The following PALLD variants were observed in gnomAD, a reference collection of about 807,000 sequenced individuals.
The protein encoded by PALLD is palladin, cytoskeletal associated protein, also known as palladin.
In PALLD, 61 loss-of-function variants were observed where a neutral mutation model predicts 123.5. The ratio of observed to expected loss-of-function variants is 0.49; its 90% CI spans 0.40 to 0.61. The LOEUF is 0.61. Among genes scored for constraint, PALLD ranks in the 20% least tolerant of loss-of-function variants. PALLD has a pLI of 0.00. For missense variants in PALLD, 1,273 were observed against 1,377.0 expected, an observed-to-expected ratio of 0.92 and a Z score of 1.20; for synonymous variants, 465 against 496.4, an observed-to-expected ratio of 0.94 and a Z score of 0.84.
intron 10 of PALLD, among the ~76,000 whole-genome samples, chr4:168,886,147 G>GT (rs1170018738): frequency 1.3e-4 from 20 of 152,100 alleles, no homozygotes; most frequent in African/African-American, 4.1e-4. Flanking sequence ...GAAGCTTTTG[G>GT]TTTTTTTAAT....
intron 10 of PALLD, among the ~76,000 whole-genome samples, chr4:168,860,084 G>A (rs1007738940): frequency 4.6e-5 from 7 of 152,198 alleles, no homozygotes; most frequent in African/African-American, 1.7e-4. Flanking sequence ...TGCAGGTCTG[G>A]AGGATGTGAA....
At position 168,676,212 on chromosome 4, in the gene PALLD, G is replaced by A. The variant is rs1222026568; in HGVS notation, c.1088-5120G>A. On this transcript the variant is annotated intron_variant, in intron 3 of 21. Transcript: ENST00000505667. ...TTTTAATTTAACCTATTCTGTCACA[G>A]ACATCTACCCATGTCATTAAACGTT... Among the ~76,000 whole-genome samples the A allele has an allele frequency of 2.0e-5, 3 of 151,562 alleles. 1 individual carries two copies. In the East Asian group the frequency reaches 5.8e-4, roughly 29 times the overall value.
intron 15 of PALLD, among the ~76,000 whole-genome samples, chr4:168,909,689 G>A (rs1250506933): frequency 2.0e-5 from 3 of 152,116 alleles, no homozygotes; most frequent in African/African-American, 4.8e-5. Context: ...GCATTAATGT[G>A]CATCAGAGCC....
chr4:168,669,794 C>T (rs1437101549), intron 3 of PALLD, among the ~76,000 whole-genome samples: 2 of 135,228 alleles, frequency 1.5e-5, no homozygotes, highest in African/African-American at 3.2e-5. Flanking sequence ...ATGACACTTA[C>T]AAAATGCACA....
chr4:168,575,504 A>G (rs945505543), intron 2 of PALLD, among the ~76,000 whole-genome samples: 2 of 152,058 alleles, frequency 1.3e-5, no homozygotes, highest in African/African-American at 4.8e-5. Flanking sequence ...TGTGGGGATT[A>G]TAATTTGAGA....
intron 10 of PALLD, among the ~76,000 whole-genome samples, chr4:168,750,488 G>A (rs986070166): frequency 6.6e-6 from 1 of 152,038 alleles, no homozygotes; most frequent in Admixed American, 6.6e-5. Flanking sequence ...TTCTACAAAG[G>A]TTTGACTTGT....
chr4:168,709,850 C>T lies in PALLD; in HGVS notation c.1621+703C>T, dbSNP rs149440317. Among the ~76,000 whole-genome samples the T allele has an allele frequency of 2.0e-5, 3 of 152,098 alleles. No individual in the cohort carries two copies. In the East Asian group the frequency reaches 5.8e-4, roughly 29 times the overall value. On this transcript the variant is annotated intron_variant, in intron 9 of 21. Coordinates refer to ENST00000505667, the MANE Select transcript of PALLD (RefSeq NM_001166108.2). Reference sequence around the variant, plus strand: ...ACACACAGGGGGCTTTCTTTAAAATCGTGCAGTCTTGGTCTTGGAAACGAT... The same window carrying T: ...ACACACAGGGGGCTTTCTTTAAAATTGTGCAGTCTTGGTCTTGGAAACGAT...
At chr4:168,672,295 AT>A (rs1392205748) in intron 3 of PALLD, among the ~76,000 whole-genome samples, 1 of 152,200 alleles carries the variant, frequency 6.6e-6, no homozygotes, top group Non-Finnish European at 1.5e-5. Flanking sequence ...ATAAGGTATT[AT>A]TGTTAACTAT....
intron 10 of PALLD, among the ~76,000 whole-genome samples, chr4:168,820,482 T>C (rs1742560518): frequency 6.6e-6 from 1 of 152,186 alleles, no homozygotes; most frequent in Non-Finnish European, 1.5e-5. Flanking sequence ...GCTATTTGTA[T>C]AGCTATGCTT....
At chr4:168,603,388 T>C (rs991057062) in intron 2 of PALLD, among the ~76,000 whole-genome samples, 1 of 152,250 alleles carries the variant, frequency 6.6e-6, no homozygotes, top group African/African-American at 2.4e-5. Flanking sequence ...AGACTGTTGA[T>C]ATGCTCCTTA....
At chr4:168,591,314 C>T (rs988902124) in intron 2 of PALLD, among the ~76,000 whole-genome samples, 2 of 152,174 alleles carry the variant, frequency 1.3e-5, no homozygotes, top group Non-Finnish European at 2.9e-5. Context: ...TGCTGAGGTG[C>T]ACAACATAGG....
chr4:168,705,790 C>A (rs1784164838), intron 8 of PALLD, among the ~76,000 whole-genome samples: 1 of 152,070 alleles, frequency 6.6e-6, no homozygotes, highest in African/African-American at 2.4e-5. Flanking sequence ...GCACCTGCCA[C>A]CATGCCTGGC....
At chr4:168,699,865 A>C (rs1364249015) in intron 8 of PALLD, among the ~76,000 whole-genome samples, 1 of 152,152 alleles carries the variant, frequency 6.6e-6, no homozygotes, top group African/African-American at 2.4e-5. Flanking sequence ...ATTAGATTAA[A>C]ATGCATCATA....
intron 10 of PALLD, among the ~76,000 whole-genome samples, chr4:168,729,565 C>G (rs1379580186): frequency 6.6e-6 from 1 of 152,182 alleles, no homozygotes; most frequent in African/African-American, 2.4e-5. Flanking sequence ...CCCCATCATT[C>G]ATTCCACCCT....
chr4:168,552,896 G>A (rs1446862141), intron 2 of PALLD, among the ~76,000 whole-genome samples: 2 of 151,934 alleles, frequency 1.3e-5, no homozygotes, highest in African/African-American at 4.8e-5. Flanking sequence ...GGCTGATCTC[G>A]AACTCCTGAC....
intron 16 of PALLD, among the ~76,000 whole-genome samples, chr4:168,915,112 C>T (rs1318553119): frequency 6.6e-6 from 1 of 152,126 alleles, no homozygotes; most frequent in African/African-American, 2.4e-5. Context: ...TAGATCTATA[C>T]TTAGAGAAGG....
chr4:168,732,859 T>C (rs1334879630), intron 10 of PALLD, among the ~76,000 whole-genome samples: 2 of 152,180 alleles, frequency 1.3e-5, no homozygotes, highest in Admixed American at 1.3e-4. Flanking sequence ...ACAAAGAAAG[T>C]CTTAACCAGA....
At chr4:168,880,895 T>C (rs769226807) in intron 10 of PALLD, among the ~76,000 whole-genome samples, 1 of 152,194 alleles carries the variant, frequency 6.6e-6, no homozygotes, top group Non-Finnish European at 1.5e-5. Context: ...TTCCAATATC[T>C]TAGTTTTCTT....
intron 10 of PALLD, among the ~76,000 whole-genome samples, chr4:168,726,285 A>G (rs1311673465): frequency 6.6e-6 from 1 of 152,220 alleles, no homozygotes; most frequent in Non-Finnish European, 1.5e-5. Flanking sequence ...AAGGTCCTGT[A>G]ACTTGAAAAG....
Sources: allele counts gnomAD v4.1 joint callset (sites outside exome capture counted in the v4.1 genomes callset), GRCh38; gene constraint gnomAD v4.1.1; transcripts MANE v1.5; gene names NCBI Gene and HGNC (gene_info 2026-07-23, HGNC 2026-07-21).